TMOD3: variants seen among roughly 807,000 people sequenced by gnomAD.
TMOD3 encodes the protein tropomodulin 3.
In TMOD3, 20 loss-of-function variants were observed where a neutral mutation model predicts 39.2. That is an observed-to-expected ratio of 0.51 (90% CI 0.36 to 0.74). The LOEUF (loss-of-function observed/expected upper bound fraction) is 0.74. Among genes scored for constraint, TMOD3 ranks in the 30% least tolerant of loss-of-function variants. TMOD3 has a pLI of 0.00. For missense variants in TMOD3, 381 were observed against 412.8 expected, an observed-to-expected ratio of 0.92 and a Z score of 0.67; for synonymous variants, 143 against 145.8, an observed-to-expected ratio of 0.98 and a Z score of 0.14.
At chr15:51,853,790 T>TAAA (rs74342679) in intron 1 of TMOD3, among the ~76,000 whole-genome samples, 31 of 126,530 alleles carry the variant, frequency 2.5e-4, no homozygotes, top group African/African-American at 5.2e-4. Flanking sequence ...CACTGTCTCT[T>TAAA]AAAAAAAAAA....
At chr15:51,889,297 T>A in intron 5 of TMOD3, 152 bp downstream of exon 5, 1 of 583,974 alleles carries the variant, frequency 1.7e-6, no homozygotes, top group East Asian at 3.1e-5. Flanking sequence ...AAGAAAGCCA[T>A]TGAAAATAGA....
chr15:51,833,965 A>G (rs543661151), intron 1 of TMOD3, among the ~76,000 whole-genome samples: 1 of 152,274 alleles, frequency 6.6e-6, no homozygotes, highest in African/African-American at 2.4e-5. Flanking sequence ...AGCCTTTTCA[A>G]TTTTAGTCAC....
Position 51,913,670 on chromosome 15 carries a change from A to C in TMOD3, c.*4860A>C, listed in dbSNP as rs976907926. On this transcript the variant is annotated 3_prime_UTR_variant, in exon 10 of 10. Transcript: ENST00000308580. ...ACCTAGAAAAAAGACATGGCTAAGT[A>C]AACTATTTTAAGCCATAACTAAGTA... The C allele has an allele frequency of 2.0e-5, 3 of 152,252 alleles. No homozygotes were observed. Among genetic ancestry groups the C allele is most frequent in the African/African-American group, 7.2e-5 (3 of 41,474 alleles). 9.4% of individuals were successfully genotyped at this position (152,252 alleles called of 1,614,324 possible).
At chr15:51,844,233 C>T (rs994083718) in intron 1 of TMOD3, among the ~76,000 whole-genome samples, 3 of 152,154 alleles carry the variant, frequency 2.0e-5, no homozygotes, top group Non-Finnish European at 4.4e-5. Context: ...GAGTTATTCT[C>T]AAGCACTTAT....
At chr15:51,886,075 C>T (rs1427515861) in intron 3 of TMOD3, among the ~76,000 whole-genome samples, 4 of 150,762 alleles carry the variant, frequency 2.7e-5, no homozygotes, top group South Asian at 2.1e-4. Context: ...ACGGGGCGGC[C>T]GGGCAGAGAC....
intron 2 of TMOD3, among the ~76,000 whole-genome samples, chr15:51,865,280 C>G (rs143728151): frequency 6.6e-6 from 1 of 152,266 alleles, no homozygotes; most frequent in African/African-American, 2.4e-5. Flanking sequence ...CTCTAGGGGA[C>G]AAAAACACTA....
chr15:51,900,390 G>T (rs1395497771), intron 8 of TMOD3, 92 bp downstream of exon 8: 7 of 1,440,388 alleles, frequency 4.9e-6, no homozygotes, highest in Non-Finnish European at 6.6e-6. Context: ...GAGGCGGGCT[G>T]TCAGGGATCC....
chr15:51,903,533 A>G (rs924297990), intron 9 of TMOD3, among the ~76,000 whole-genome samples: 1 of 152,226 alleles, frequency 6.6e-6, no homozygotes, highest in Admixed American at 6.5e-5. Context: ...TATTAGCTCA[A>G]ACTCTTTCTG....
intron 7 of TMOD3, 136 bp downstream of exon 7, chr15:51,896,662 G>T: frequency 1.9e-6 from 1 of 529,906 alleles, no homozygotes; most frequent in African/African-American, 1.9e-5. Flanking sequence ...TTACTTACCA[G>T]CTTTTTGTGT....
At chr15:51,834,171 G>T (rs1211043648) in intron 1 of TMOD3, among the ~76,000 whole-genome samples, 1 of 151,840 alleles carries the variant, frequency 6.6e-6, no homozygotes, top group Non-Finnish European at 1.5e-5. Flanking sequence ...ATATATTCAA[G>T]GTACAAGTTC....
intron 6 of TMOD3, among the ~76,000 whole-genome samples, chr15:51,895,875 G>C (rs530867206): frequency 2.0e-5 from 3 of 152,290 alleles, no homozygotes; most frequent in African/African-American, 7.2e-5. Flanking sequence ...TTGGGAGGCC[G>C]AGGAGGGTGG....
chr15:51,888,263 ATAGAAAAGTG>A (rs1385241761), intron 4 of TMOD3, among the ~76,000 whole-genome samples: 1 of 152,172 alleles, frequency 6.6e-6, no homozygotes, highest in Non-Finnish European at 1.5e-5. Context: ...ACTTTCCTAG[ATAGAAAAGTG>A]TGATGCATGG....
At position 51,908,751 on chromosome 15, in the gene TMOD3, A is replaced by G. The variant is rs372693419; in HGVS notation, c.1025-25A>G. The stretch of plus-strand genomic sequence containing the variant: ...GTAAAAACTAATAGGGATTTCTAAC[A>G]TAGTTTCTTTTATTTTTCTCATAGT... On this transcript the variant is annotated intron_variant, in intron 9 of 9. Transcript: ENST00000308580. 9 of 1,581,948 alleles carry G rather than the reference A, an allele frequency of 5.7e-6. No homozygotes were observed. The South Asian group carries it at 8.4e-5, about 15-fold the overall frequency.
At chr15:51,874,256 A>AT (rs2056490399) in intron 3 of TMOD3, among the ~76,000 whole-genome samples, 1 of 152,260 alleles carries the variant, frequency 6.6e-6, no homozygotes, top group Admixed American at 6.5e-5. Flanking sequence ...ATGTAAATCC[A>AT]TTAATAATTT....
At chr15:51,868,736 C>G (rs2056459992) in intron 2 of TMOD3, among the ~76,000 whole-genome samples, 1 of 152,172 alleles carries the variant, frequency 6.6e-6, no homozygotes, top group Non-Finnish European at 1.5e-5. Flanking sequence ...CTTTGGGCAG[C>G]CGAGGAGGGC....
At chr15:51,861,454 A>G (rs1251696387) in intron 1 of TMOD3, among the ~76,000 whole-genome samples, 2 of 152,136 alleles carry the variant, frequency 1.3e-5, no homozygotes, top group Non-Finnish European at 2.9e-5. Context: ...ATTTCCATTC[A>G]TGGGAGATGG....
chr15:51,878,374 A>ATTTGTGTGTGTGTGTGTGTG (rs1445627118), intron 3 of TMOD3, among the ~76,000 whole-genome samples: 1 of 80,766 alleles, frequency 1.2e-5, no homozygotes, highest in African/African-American at 4.8e-5. Flanking sequence ...TCTTTAAAAT[A>ATTTGTGTGTGTGTGTGTGTG]TATGTGTGTG....
intron 1 of TMOD3, among the ~76,000 whole-genome samples, chr15:51,838,032 C>A (rs748809733): frequency 6.6e-6 from 1 of 152,146 alleles, no homozygotes; most frequent in Non-Finnish European, 1.5e-5. Flanking sequence ...GTGTAATGAA[C>A]CGTGTGATGT....
chr15:51,858,000 G>A (rs1272488378), intron 1 of TMOD3: 1 of 152,050 alleles, frequency 6.6e-6, no homozygotes, highest in Non-Finnish European at 1.5e-5. Flanking sequence ...TCTGAAGACT[G>A]TATTATTTTT....
Sources: gnomAD v4.1 joint callset for allele counts (sites outside exome capture counted in the v4.1 genomes callset) on GRCh38, gnomAD v4.1.1 for gene constraint, MANE v1.5 for transcripts, NCBI Gene and HGNC (gene_info 2026-07-23, HGNC 2026-07-21) for gene names.